The following FHOD3 variants were observed in gnomAD, a reference collection of about 807,000 sequenced individuals.
FHOD3 encodes the protein formin homology 2 domain containing 3.
A neutral mutation model predicts 173.0 loss-of-function variants in FHOD3; 90 were observed. The ratio of observed to expected loss-of-function variants is 0.52; its 90% CI spans 0.44 to 0.62. The LOEUF (loss-of-function observed/expected upper bound fraction) is 0.62, where lower values mean the gene tolerates loss of function less well. Among genes scored for constraint, FHOD3 ranks in the 20% least tolerant of loss-of-function variants. FHOD3 has a pLI of 0.00. For synonymous variants in FHOD3, 828 were observed against 823.0 expected, an observed-to-expected ratio of 1.01 and a Z score of -0.10; for missense variants, 1,945 against 2,034.7, an observed-to-expected ratio of 0.96 and a Z score of 0.85.
chr18:36,709,161 T>C lies in FHOD3; in HGVS notation c.2303T>C (p.Val768Ala). 6.2e-7 allele frequency: 1 copy of C among 1,613,766 alleles called. No individual in the cohort carries two copies. The highest frequency in any genetic ancestry group is 8.5e-7 in the Non-Finnish European group (1 of 1,179,944). Residue 768 changes from valine (V) to alanine (A), a missense_variant, in exon 18 of 29, where the codon GTT becomes GCT. By Grantham distance (64) the Val-to-Ala change is moderately conservative. Coordinates refer to ENST00000590592, the MANE Select transcript of FHOD3 (RefSeq NM_001281740.3). Reference sequence around the variant, plus strand: ...GAAGCAGAGGCAGGGGCGGGGCAGGTTGCTGATGAAGCTGGCCAGGACATA... The same window carrying C: ...GAAGCAGAGGCAGGGGCGGGGCAGGCTGCTGATGAAGCTGGCCAGGACATA... ...EPEAEAGAGQ[V>A]ADEAGQDIAS...
chr18:36,390,143 A>G (rs1363422669), intron 3 of FHOD3, among the ~76,000 whole-genome samples: 52 of 152,044 alleles, frequency 3.4e-4, no homozygotes, highest in Admixed American at 3.4e-3. Context: ...TGGGTATTTT[A>G]GCCCCAGTCC....
At chr18:36,774,563 GT>G (rs1409734454) in intron 28 of FHOD3, among the ~76,000 whole-genome samples, 1 of 152,212 alleles carries the variant, frequency 6.6e-6, no homozygotes, top group African/African-American at 2.4e-5. Context: ...CTCTTGCTCA[GT>G]GTGTCTGGGG....
chr18:36,447,968 A>G (rs560429789), intron 3 of FHOD3, among the ~76,000 whole-genome samples: 17 of 152,334 alleles, frequency 1.1e-4, no homozygotes, highest in African/African-American at 3.6e-4. Flanking sequence ...GGGAGAGAAC[A>G]TTGTGTAGAC....
chr18:36,398,532 G>A (rs1209469949), intron 3 of FHOD3, among the ~76,000 whole-genome samples: 7 of 152,204 alleles, frequency 4.6e-5, no homozygotes, highest in Non-Finnish European at 1.0e-4. Flanking sequence ...TCCAGTTGCA[G>A]TAGGTGCTCA....
At chr18:36,538,515 G>T (rs1308649816) in intron 5 of FHOD3, among the ~76,000 whole-genome samples, 1 of 152,206 alleles carries the variant, frequency 6.6e-6, no homozygotes. Flanking sequence ...GTATCAAATG[G>T]TTAATGCAAG....
At chr18:36,664,807 A>AGAGAGAGAGAGAGAGATT (rs1350584215) in intron 14 of FHOD3, among the ~76,000 whole-genome samples, 1 of 151,224 alleles carries the variant, frequency 6.6e-6, no homozygotes, top group Non-Finnish European at 1.5e-5. Context: ...AGAGAGAGAG[A>AGAGAGAGAGAGAGAGATT]GAGAGAGATT....
chr18:36,386,189 G>A (rs1415896313), intron 3 of FHOD3, among the ~76,000 whole-genome samples: 1 of 152,174 alleles, frequency 6.6e-6, no homozygotes, highest in African/African-American at 2.4e-5. Context: ...ACATTTCTCA[G>A]ATGACCCAGT....
At chr18:36,665,825 G>A (rs977613547) in intron 14 of FHOD3, among the ~76,000 whole-genome samples, 2 of 152,230 alleles carry the variant, frequency 1.3e-5, no homozygotes, top group African/African-American at 4.8e-5. Flanking sequence ...TAACACAGGA[G>A]ATGCTGGTGG....
At chr18:36,449,592 C>CTCTAGGAGATAACTAAATGCCTTTTTA (rs1160564140) in intron 3 of FHOD3, among the ~76,000 whole-genome samples, 6 of 152,174 alleles carry the variant, frequency 3.9e-5, no homozygotes, top group Non-Finnish European at 8.8e-5. Context: ...CAGAGTTTTA[C>CTCTAGGAGATAACTAAATGCCTTTTTA]TCTAGGAGAT....
intron 3 of FHOD3, among the ~76,000 whole-genome samples, chr18:36,449,798 T>A (rs1389324486): frequency 3.3e-5 from 5 of 152,194 alleles, no homozygotes; most frequent in Non-Finnish European, 5.9e-5. Flanking sequence ...ATTTTGATGA[T>A]TGATTTATTA....
intron 3 of FHOD3, among the ~76,000 whole-genome samples, chr18:36,441,172 G>A (rs544272321): frequency 6.6e-6 from 1 of 152,174 alleles, no homozygotes; most frequent in South Asian, 2.1e-4. Flanking sequence ...CAGGAGCTCA[G>A]TAAAAATGGG....
At chr18:36,703,246 G>A (rs1267709586) in intron 17 of FHOD3, among the ~76,000 whole-genome samples, 5 of 152,158 alleles carry the variant, frequency 3.3e-5, no homozygotes, top group Admixed American at 6.5e-5. Flanking sequence ...AAGGCCCTAC[G>A]TGAAGGAAGC....
At chr18:36,534,479 TA>T (rs1395759676) in intron 5 of FHOD3, among the ~76,000 whole-genome samples, 2 of 151,640 alleles carry the variant, frequency 1.3e-5, no homozygotes, top group Admixed American at 1.3e-4. Flanking sequence ...TTTATTTATT[TA>T]TTTTTTATTA....
At chr18:36,323,107 A>G (rs918139272) in intron 1 of FHOD3, among the ~76,000 whole-genome samples, 1 of 152,112 alleles carries the variant, frequency 6.6e-6, no homozygotes, top group Non-Finnish European at 1.5e-5. Flanking sequence ...GGTGGCTGCG[A>G]GCCTGACATG....
At chr18:36,775,290 T>C (rs2043577092) in intron 28 of FHOD3, among the ~76,000 whole-genome samples, 1 of 152,232 alleles carries the variant, frequency 6.6e-6, no homozygotes, top group Non-Finnish European at 1.5e-5. Flanking sequence ...CTCTCAGTGC[T>C]GCAAAGGTGA....
chr18:36,710,454 T>C (rs1291693284), intron 18 of FHOD3: 1 of 152,234 alleles, frequency 6.6e-6, no homozygotes, highest in African/African-American at 2.4e-5. Context: ...AGATTAAAAA[T>C]ACATTGTCTC....
At chr18:36,710,735 T>C (rs1360015417) in intron 18 of FHOD3, 5 of 152,244 alleles carry the variant, frequency 3.3e-5, no homozygotes, top group African/African-American at 1.2e-4. Context: ...TATATACTGA[T>C]ATTTACTTAA....
At chr18:36,658,330 A>G in intron 14 of FHOD3, 142 bp downstream of exon 14, 1 of 583,906 alleles carries the variant, frequency 1.7e-6, no homozygotes, top group Non-Finnish European at 2.9e-6. Context: ...GAAGCCAGGA[A>G]TATTTTCTCT....
intron 17 of FHOD3, among the ~76,000 whole-genome samples, chr18:36,705,994 C>A (rs192445611): frequency 7.2e-6 from 1 of 137,946 alleles, no homozygotes; most frequent in Non-Finnish European, 1.6e-5. Context: ...TGTGTGTGCA[C>A]GGAGAGAAGT....
Sources: gnomAD v4.1 joint callset for allele counts (sites outside exome capture counted in the v4.1 genomes callset) on GRCh38, gnomAD v4.1.1 for gene constraint, MANE v1.5 for transcripts, NCBI Gene and HGNC (gene_info 2026-07-23, HGNC 2026-07-21) for gene names.